Variants in NPAS2 observed in about 807,000 individuals in gnomAD.
NPAS2 encodes neuronal PAS domain-containing protein 2.
Under a neutral mutation model 107.5 loss-of-function variants are expected in NPAS2, and 23 were observed. The ratio of observed to expected loss-of-function variants is 0.21; its 90% CI spans 0.15 to 0.30. The LOEUF (loss-of-function observed/expected upper bound fraction) is 0.30, where lower values mean the gene tolerates loss of function less well. NPAS2 is among the 10% of genes least tolerant of loss of function. NPAS2 has a pLI of 1.00. For synonymous variants in NPAS2, 403 were observed against 417.5 expected (o/e 0.97, Z 0.42); for missense variants, 756 against 1,043.3 (o/e 0.72, Z 3.79).
intron 2 of NPAS2, among the ~76,000 whole-genome samples, chr2:100,905,588 C>T (rs1309830014): frequency 6.6e-6 from 1 of 152,066 alleles, no homozygotes; most frequent in Non-Finnish European, 1.5e-5. Context: ...CGGGTGGAGG[C>T]CCAGCCACGA....
intron 2 of NPAS2, among the ~76,000 whole-genome samples, chr2:100,918,601 A>G (rs1683031637): frequency 6.6e-6 from 1 of 152,244 alleles, no homozygotes; most frequent in Non-Finnish European, 1.5e-5. Flanking sequence ...ATATGAACAG[A>G]TGCTTCCTCA....
intron 15 of NPAS2, among the ~76,000 whole-genome samples, chr2:100,981,278 TGAGG>T (rs1168919173): frequency 6.6e-6 from 1 of 151,876 alleles, no homozygotes; most frequent in Non-Finnish European, 1.5e-5. Flanking sequence ...GGCTAGAGAT[TGAGG>T]GAGTGGAGGT....
chr2:100,953,941 T>A (rs1675395141), intron 7 of NPAS2, among the ~76,000 whole-genome samples: 1 of 152,110 alleles, frequency 6.6e-6, no homozygotes, highest in African/African-American at 2.4e-5. Flanking sequence ...GTCATGGAAA[T>A]GACTGTCATG....
intron 1 of NPAS2, among the ~76,000 whole-genome samples, chr2:100,862,038 AC>A: frequency 6.6e-6 from 1 of 152,280 alleles, no homozygotes; most frequent in South Asian, 2.1e-4. Context: ...GTCAAAAAAT[AC>A]ATTATGTCAA....
At chr2:100,867,427 T>C (rs1679324271) in intron 1 of NPAS2, among the ~76,000 whole-genome samples, 1 of 152,224 alleles carries the variant, frequency 6.6e-6, no homozygotes, top group Admixed American at 6.5e-5. Flanking sequence ...TTTGTGGCCC[T>C]CTCTGATGTC....
At chr2:100,898,096 T>C (rs1039067253) in intron 1 of NPAS2, among the ~76,000 whole-genome samples, 2 of 152,180 alleles carry the variant, frequency 1.3e-5, no homozygotes, top group African/African-American at 2.4e-5. Flanking sequence ...CTTTTTTTTT[T>C]TGAGGCACAG....
intron 1 of NPAS2, among the ~76,000 whole-genome samples, chr2:100,843,217 C>CA (rs67274513): frequency 0.31 from 43,831 of 141,360 alleles, 7,417 homozygotes; most frequent in East Asian, 0.51. Flanking sequence ...GACTCTGTCT[C>CA]AAAAAAAAAA....
intron 3 of NPAS2, among the ~76,000 whole-genome samples, chr2:100,931,371 G>A (rs187056569): frequency 1.8e-4 from 28 of 152,014 alleles, no homozygotes; most frequent in African/African-American, 6.5e-4. Context: ...GCAGCAACTC[G>A]TTCTTTCTGA....
chr2:100,903,437 G>A (rs890322778), intron 1 of NPAS2, among the ~76,000 whole-genome samples: 9 of 152,234 alleles, frequency 5.9e-5, no homozygotes, highest in African/African-American at 2.2e-4. Context: ...GTGAACAGGG[G>A]CTGTGGCTGC....
intron 7 of NPAS2, among the ~76,000 whole-genome samples, chr2:100,949,810 T>C (rs1404896314): frequency 6.6e-6 from 1 of 152,208 alleles, no homozygotes; most frequent in African/African-American, 2.4e-5. Context: ...AAACAGGCCT[T>C]CGTGGTGACT....
intron 1 of NPAS2, among the ~76,000 whole-genome samples, chr2:100,887,529 C>T (rs1002905740): frequency 2.6e-5 from 4 of 152,226 alleles, no homozygotes; most frequent in African/African-American, 9.6e-5. Flanking sequence ...CAGCAGTGTT[C>T]GTGCAAATTA....
At chr2:100,849,220 T>A (rs1677989984) in intron 1 of NPAS2, among the ~76,000 whole-genome samples, 1 of 152,176 alleles carries the variant, frequency 6.6e-6, no homozygotes, top group South Asian at 2.1e-4. Flanking sequence ...TTCTCTGGTT[T>A]AGGGTGGTAG....
At chr2:100,981,920 A>G (rs1677465354) in intron 15 of NPAS2, among the ~76,000 whole-genome samples, 1 of 152,218 alleles carries the variant, frequency 6.6e-6, no homozygotes. Context: ...GTTTGTGAAC[A>G]TTGCTTACAA....
At chr2:100,891,504 T>C (rs1162800457) in intron 1 of NPAS2, among the ~76,000 whole-genome samples, 2 of 152,162 alleles carry the variant, frequency 1.3e-5, no homozygotes, top group Non-Finnish European at 2.9e-5. Context: ...ATTAACCAGA[T>C]GAGGCGTCCC....
At chr2:100,839,704 T>G (rs998335708) in intron 1 of NPAS2, among the ~76,000 whole-genome samples, 3 of 152,170 alleles carry the variant, frequency 2.0e-5, no homozygotes, top group Admixed American at 2.0e-4. Flanking sequence ...ACCCCTGCAT[T>G]GTTCAAGAGT....
intron 1 of NPAS2, among the ~76,000 whole-genome samples, chr2:100,889,416 C>T (rs1680914435): frequency 6.6e-6 from 1 of 152,212 alleles, no homozygotes; most frequent in African/African-American, 2.4e-5. Context: ...CTAGCACAGG[C>T]AGAGACATGC....
At chr2:100,840,490 C>T (rs528670280) in intron 1 of NPAS2, among the ~76,000 whole-genome samples, 23 of 152,206 alleles carry the variant, frequency 1.5e-4, no homozygotes, top group South Asian at 4.2e-4. Flanking sequence ...GTCCTTGAGA[C>T]GCACCATTTT....
intron 7 of NPAS2, among the ~76,000 whole-genome samples, chr2:100,952,758 A>T (rs998553837): frequency 5.4e-5 from 8 of 147,974 alleles, no homozygotes; most frequent in Non-Finnish European, 1.0e-4. Context: ...AATACCTGGG[A>T]CTTTTTTTTT....
chr2:100,856,175 A>C (rs1267301816), intron 1 of NPAS2, among the ~76,000 whole-genome samples: 1 of 152,266 alleles, frequency 6.6e-6, no homozygotes, highest in African/African-American at 2.4e-5. Context: ...TGGCAATTAC[A>C]GGTAACTCTC....
Sources: gnomAD v4.1 joint callset for allele counts (sites outside exome capture counted in the v4.1 genomes callset) on GRCh38, gnomAD v4.1.1 for gene constraint, MANE v1.5 for transcripts, NCBI Gene and HGNC (gene_info 2026-07-23, HGNC 2026-07-21) for gene names.